The following CREB5 variants were observed in gnomAD, a reference collection of about 807,000 sequenced individuals.
CREB5 encodes cyclic AMP-responsive element-binding protein 5.
In CREB5, 19 loss-of-function variants were observed where a neutral mutation model predicts 57.1. That is an observed-to-expected ratio of 0.33 (90% confidence interval 0.23 to 0.49). The LOEUF is 0.49. Ranked by LOEUF, CREB5 falls within the 20% of genes least tolerant of loss-of-function variation. CREB5 has a pLI of 0.99. For missense variants in CREB5, 579 were observed against 671.6 expected (o/e 0.86, Z 1.52); for synonymous variants, 238 against 238.3 (o/e 1.00, Z 0.01).
intron 5 of CREB5, among the ~76,000 whole-genome samples, chr7:28,624,184 G>C (rs892265583): frequency 6.6e-6 from 1 of 152,170 alleles, no homozygotes; most frequent in African/African-American, 2.4e-5. Flanking sequence ...AATTAAATAA[G>C]GAAATCCTTT....
intron 1 of CREB5, among the ~76,000 whole-genome samples, chr7:28,400,848 C>A (rs911749859): frequency 2.6e-5 from 4 of 152,146 alleles, no homozygotes; most frequent in African/African-American, 9.7e-5. Flanking sequence ...AATGATGATA[C>A]AAAAAGAAGT....
intron 1 of CREB5, among the ~76,000 whole-genome samples, chr7:28,438,870 C>T (rs1286776650): frequency 6.6e-6 from 1 of 152,138 alleles, no homozygotes; most frequent in Non-Finnish European, 1.5e-5. Context: ...AATGTTGCTT[C>T]CAACAGCAAG....
intron 5 of CREB5, among the ~76,000 whole-genome samples, chr7:28,571,908 G>A (rs1795719203): frequency 6.6e-6 from 1 of 152,220 alleles, no homozygotes; most frequent in Admixed American, 6.5e-5. Flanking sequence ...TGTTTAAAAT[G>A]AGAAGGGGCG....
At chr7:28,548,431 G>T (rs1231400172) in intron 4 of CREB5, among the ~76,000 whole-genome samples, 1 of 152,140 alleles carries the variant, frequency 6.6e-6, no homozygotes, top group Middle Eastern at 3.2e-3. Flanking sequence ...GGCTTACCCA[G>T]AAAATGACCG....
intron 5 of CREB5, among the ~76,000 whole-genome samples, chr7:28,624,676 G>GAAAAAAAA (rs56161206): frequency 7.7e-6 from 1 of 130,154 alleles, no homozygotes; most frequent in Non-Finnish European, 1.6e-5. Context: ...CAACAGACGT[G>GAAAAAAAA]AAAAAAAAAA....
chr7:28,601,966 T>G (rs1368820358), intron 5 of CREB5, among the ~76,000 whole-genome samples: 1 of 148,380 alleles, frequency 6.7e-6, no homozygotes, highest in Non-Finnish European at 1.5e-5. Flanking sequence ...GACATATTCT[T>G]AGGAACTTCA....
chr7:28,597,722 C>T (rs1026012745), intron 5 of CREB5, among the ~76,000 whole-genome samples: 1 of 152,136 alleles, frequency 6.6e-6, no homozygotes, highest in Admixed American at 6.6e-5. Context: ...TGACTTTGGG[C>T]CCCTGATGAG....
At chr7:28,424,690 A>G (rs1788424592) in intron 1 of CREB5, among the ~76,000 whole-genome samples, 1 of 152,356 alleles carries the variant, frequency 6.6e-6, no homozygotes, top group Middle Eastern at 3.4e-3. Context: ...AAAGAATTAA[A>G]TACAACTATA....
chr7:28,570,692 G>A (rs1054928886), intron 5 of CREB5, among the ~76,000 whole-genome samples, 155 bp downstream of exon 5: 8 of 152,226 alleles, frequency 5.3e-5, no homozygotes, highest in African/African-American at 1.9e-4. Flanking sequence ...GGAGAAGGGA[G>A]GAGTCTCTGC....
chr7:28,710,490 C>G (rs1272309648), intron 5 of CREB5, among the ~76,000 whole-genome samples: 3 of 152,096 alleles, frequency 2.0e-5, no homozygotes, highest in African/African-American at 7.2e-5. Context: ...TTAAAAATTA[C>G]TCAAAATTAA....
intron 5 of CREB5, among the ~76,000 whole-genome samples, chr7:28,663,320 T>C (rs143012181): frequency 0.037 from 5,682 of 151,910 alleles, 236 homozygotes; most frequent in African/African-American, 0.099. Context: ...TTCTCCCATC[T>C]CAGCCTCCCA....
intron 1 of CREB5, among the ~76,000 whole-genome samples, chr7:28,351,012 T>A (rs1284330968): frequency 6.6e-6 from 1 of 152,230 alleles, no homozygotes; most frequent in Non-Finnish European, 1.5e-5. Context: ...ATGCCATCCA[T>A]ACAATGAGTC....
chr7:28,355,897 C>G (rs1456410667), intron 1 of CREB5, among the ~76,000 whole-genome samples: 1 of 152,176 alleles, frequency 6.6e-6, no homozygotes, highest in African/African-American at 2.4e-5. Flanking sequence ...TGCAATAACA[C>G]TTTTTAATGC....
chr7:28,596,044 T>C (rs1324188585), intron 5 of CREB5, among the ~76,000 whole-genome samples: 1 of 152,254 alleles, frequency 6.6e-6, no homozygotes, highest in African/African-American at 2.4e-5. Flanking sequence ...CCCCTCTAGC[T>C]GGTGAAACCT....
chr7:28,545,909 A>G (rs1794401124), intron 4 of CREB5, among the ~76,000 whole-genome samples: 1 of 152,158 alleles, frequency 6.6e-6, no homozygotes, highest in South Asian at 2.1e-4. Flanking sequence ...TTTGTTGCAC[A>G]CTTCTTCATT....
intron 1 of CREB5, among the ~76,000 whole-genome samples, chr7:28,476,885 CA>C (rs10706083): frequency 0.73 from 110,433 of 151,992 alleles, 40,554 homozygotes; most frequent in African/African-American, 0.8. Context: ...TCTGAACTCT[CA>C]AAAGCACTTT....
At chr7:28,605,430 A>G (rs1797092128) in intron 5 of CREB5, among the ~76,000 whole-genome samples, 1 of 152,218 alleles carries the variant, frequency 6.6e-6, no homozygotes, top group Non-Finnish European at 1.5e-5. Flanking sequence ...TTTGTCAAAG[A>G]CATGACACTT....
At chr7:28,306,568 T>TTTTTTTTTTTTTTTTTGTTTG (rs1785191302) in intron 1 of CREB5, among the ~76,000 whole-genome samples, 1 of 132,714 alleles carries the variant, frequency 7.5e-6, no homozygotes, top group Non-Finnish European at 1.6e-5. Flanking sequence ...TTTTTTTTTT[T>TTTTTTTTTTTTTTTTTGTTTG]TTTTTTTTTT....
At position 28,738,156 on chromosome 7, in the gene CREB5, G is replaced by T. The variant is rs1300201889; in HGVS notation, c.702+13824G>T. Among the ~76,000 whole-genome samples the T allele has an allele frequency of 3.3e-5, 5 of 152,114 alleles. No homozygotes were observed. In the East Asian group the frequency reaches 9.6e-4, roughly 29 times the overall value. ...TAAAATAGATTTTTACTATGTCTGT[G>T]CAAATTACTTTGAATTATCCAAATA... On this transcript the variant is annotated intron_variant, in intron 7 of 10. Coordinates refer to ENST00000357727, the MANE Select transcript of CREB5 (RefSeq NM_182898.4).
Sources: allele counts gnomAD v4.1 joint callset (sites outside exome capture counted in the v4.1 genomes callset), GRCh38; gene constraint gnomAD v4.1.1; transcripts MANE v1.5; gene names NCBI Gene and HGNC (gene_info 2026-07-23, HGNC 2026-07-21).